STAG2: variants seen among roughly 807,000 people sequenced by gnomAD.
STAG2 encodes cohesin subunit SA-2.
Under a neutral mutation model 108.1 loss-of-function variants are expected in STAG2, and 14 were observed. The observed-to-expected ratio is 0.13, with a 90% confidence interval of 0.09 to 0.20. The LOEUF (loss-of-function observed/expected upper bound fraction) is 0.20. Among genes scored for constraint, STAG2 ranks in the 10% least tolerant of loss-of-function variants. STAG2 has a pLI of 1.00. For missense variants in STAG2, 440 were observed against 940.9 expected (o/e 0.47, Z 6.96); for synonymous variants, 307 against 302.7 (o/e 1.01, Z -0.15).
chrX:123,988,389 T>G (rs759655162), intron 1 of STAG2, among the ~76,000 whole-genome samples: 9 of 111,331 alleles, frequency 8.1e-5, no homozygotes, highest in Non-Finnish European at 1.3e-4. Context: ...GACTTGTATG[T>G]TATGTAAATA....
At chrX:124,059,776 T>C (rs1485386532) in intron 15 of STAG2, among the ~76,000 whole-genome samples, 1 of 111,424 alleles carries the variant, frequency 9.0e-6, no homozygotes, top group African/African-American at 3.3e-5. Context: ...TCCTCTTGCC[T>C]CAGCCTCCCT....
intron 4 of STAG2, among the ~76,000 whole-genome samples, chrX:124,029,146 A>G (rs1474838544): frequency 1.9e-5 from 2 of 106,372 alleles, no homozygotes; most frequent in African/African-American, 6.9e-5. Flanking sequence ...CCTCCTGAGT[A>G]GCTGGGACTG....
chrX:124,057,815 A>G lies in STAG2; in HGVS notation c.1305-51A>G, dbSNP rs140127276. 2,730 of 871,357 alleles carry G rather than the reference A, an allele frequency of 3.1e-3. 49 individuals carry two copies. In the African/African-American group the frequency reaches 0.052, roughly 17 times the overall value. 71.8% of individuals were successfully genotyped at this position (871,357 alleles called of 1,213,427 possible). ...TTGAAACAGTTAATTTTTTTATTAGAAAATTTTTTGTTGTTGTTGTCGTAA... is the reference window on the plus strand; with the variant it reads ...TTGAAACAGTTAATTTTTTTATTAGGAAATTTTTTGTTGTTGTTGTCGTAA... On this transcript the variant is annotated intron_variant, in intron 14 of 34. Coordinates refer to ENST00000371145, the MANE Select transcript of STAG2 (RefSeq NM_001042750.2).
intron 34 of STAG2, among the ~76,000 whole-genome samples, chrX:124,097,332 G>T (rs1055594730): frequency 9.0e-6 from 1 of 110,963 alleles, no homozygotes; most frequent in Non-Finnish European, 1.9e-5. Context: ...ATGACCTGTT[G>T]CACTCATAAG....
rs750830689 is a variant in STAG2, at chrX:123,965,241, TTAG to T, written c.-163+3389_-163+3391del. ...AATTTTTATTCATATACAAATATTC[TTAG>T]TAGATGGTAAGGATTGTGGCATCAG... On this transcript the variant is annotated intron_variant, in intron 1 of 34. Coordinates refer to ENST00000371145, the MANE Select transcript of STAG2 (RefSeq NM_001042750.2). Among the ~76,000 whole-genome samples, 8 of 112,104 alleles carry T rather than the reference TTAG, an allele frequency of 7.1e-5. No homozygotes were observed. In the East Asian group the frequency reaches 1.1e-3, roughly 16 times the overall value.
At chrX:124,057,634 A>T (rs1377536172) in intron 14 of STAG2, among the ~76,000 whole-genome samples, 3 of 112,157 alleles carry the variant, frequency 2.7e-5, no homozygotes, top group African/African-American at 9.7e-5. Flanking sequence ...AACTCAGTAC[A>T]ATTAACTTGA....
chrX:124,033,000 AC>A (rs2057394727), intron 5 of STAG2, among the ~76,000 whole-genome samples: 1 of 112,573 alleles, frequency 8.9e-6, no homozygotes, highest in Non-Finnish European at 1.9e-5. Context: ...ATGTGAAAAT[AC>A]TTGTTAATTG....
intron 1 of STAG2, among the ~76,000 whole-genome samples, chrX:124,000,428 G>C (rs913236322): frequency 9.0e-6 from 1 of 111,390 alleles, no homozygotes; most frequent in African/African-American, 3.3e-5. Context: ...CCAACACTTT[G>C]GGAGGCTGAG....
chrX:124,025,960 T>TCA (rs768423067), intron 4 of STAG2, 42 bp downstream of exon 4: 41 of 939,023 alleles, frequency 4.4e-5, no homozygotes, highest in Non-Finnish European at 6.0e-5. Flanking sequence ...TCCTAAGATC[T>TCA]CACACACACA....
chrX:123,979,360 A>G (rs2054770426), intron 1 of STAG2, among the ~76,000 whole-genome samples: 1 of 111,483 alleles, frequency 9.0e-6, no homozygotes, highest in Non-Finnish European at 1.9e-5. Context: ...GAGGAAGGAT[A>G]TTTGTCAGCC....
intron 5 of STAG2, among the ~76,000 whole-genome samples, chrX:124,034,150 G>C (rs2057432878): frequency 9.0e-6 from 1 of 111,606 alleles, no homozygotes; most frequent in Non-Finnish European, 1.9e-5. Flanking sequence ...TTTTTGTGTT[G>C]CTTATGGCTT....
At chrX:124,028,985 T>G (rs1189346879) in intron 4 of STAG2, among the ~76,000 whole-genome samples, 2 of 64,025 alleles carry the variant, frequency 3.1e-5, no homozygotes, top group Non-Finnish European at 5.7e-5. Flanking sequence ...TTATTTTTAT[T>G]TATATATATA....
upstream of STAG2, chrX:123,961,127 TTCTCCCC>T (rs2053830181): frequency 1.5e-5 from 1 of 67,578 alleles, no homozygotes; most frequent in African/African-American, 5.9e-5. Flanking sequence ...CCTTTCTCCC[TTCTCCCC>T]CCAAGTCGCT....
chrX:123,983,974 C>CTT (rs199881082), intron 1 of STAG2, among the ~76,000 whole-genome samples: 25 of 61,443 alleles, frequency 4.1e-4, no homozygotes, highest in South Asian at 1.6e-3. Context: ...CTTTTCTTTT[C>CTT]TTTTTTTTTT....
In STAG2 at chrX:124,076,549, T is replaced by C. The variant is rs1483856155; in HGVS notation, c.2673+78T>C. 7 of 910,624 alleles carry C rather than the reference T, an allele frequency of 7.7e-6. No homozygotes were observed. In the East Asian group the frequency reaches 2.1e-4, roughly 27 times the overall value. The allele number at this position is 910,624 out of a possible 1,213,427, so 75.0% of individuals were successfully genotyped here. A position where few individuals can be genotyped will look rare whatever the true frequency, so the allele number is the denominator to read the frequency against. On this transcript the variant is annotated intron_variant, in intron 26 of 34. Coordinates refer to ENST00000371145, the MANE Select transcript of STAG2 (RefSeq NM_001042750.2). The stretch of plus-strand genomic sequence containing the variant: ...TATGCATGGCTGCCATTGAATTCTT[T>C]AAGGGCAAATTACATTTCTAGTGTA...
intron 1 of STAG2, among the ~76,000 whole-genome samples, chrX:124,009,441 A>AGGTAGGTG (rs1556479654): frequency 4.6e-4 from 41 of 88,417 alleles, no homozygotes; most frequent in African/African-American, 1.6e-3. Flanking sequence ...GTAGGTAGGT[A>AGGTAGGTG]GGTAGATAGA....
At position 124,085,773 on chromosome X, in the gene STAG2, CAAAAAAAAAA is replaced by C. The variant is rs35882500; in HGVS notation, c.3054-760_3054-751del. Among the ~76,000 whole-genome samples, 39 of 42,147 alleles carry C rather than the reference CAAAAAAAAAA, an allele frequency of 9.3e-4. 1 individual carries two copies. The Middle Eastern group carries it at 0.042, about 46-fold the overall frequency. 36.6% of individuals were successfully genotyped at this position (42,147 alleles called of 115,157 possible). A position where few individuals can be genotyped will look rare whatever the true frequency, so the allele number is the denominator to read the frequency against. On this transcript the variant is annotated intron_variant, in intron 29 of 34. Transcript: ENST00000371145. The stretch of plus-strand genomic sequence containing the variant: ...TCGATGACAGAGTGAGACTGTGTCT[CAAAAAAAAAA>C]AAAAAAAAAAAAAGAGAAAGGCACA...
intron 1 of STAG2, among the ~76,000 whole-genome samples, chrX:123,969,789 G>A (rs1414262203): frequency 9.2e-6 from 1 of 108,815 alleles, no homozygotes; most frequent in Non-Finnish European, 1.9e-5. Context: ...GGGACTACAG[G>A]CGCGTACCAC....
chrX:124,058,154 C>CCT (rs2058266933), intron 15 of STAG2, among the ~76,000 whole-genome samples, 177 bp downstream of exon 15: 2 of 72,965 alleles, frequency 2.7e-5, no homozygotes, highest in Non-Finnish European at 2.6e-5. Flanking sequence ...TACTTTTCTT[C>CCT]TTTTTTTTTT....
Sources: gnomAD v4.1 joint callset for allele counts (sites outside exome capture counted in the v4.1 genomes callset) on GRCh38, gnomAD v4.1.1 for gene constraint, MANE v1.5 for transcripts, NCBI Gene and HGNC (gene_info 2026-07-23, HGNC 2026-07-21) for gene names.